Variants in EIF4G3 observed in about 807,000 individuals in gnomAD.
The protein encoded by EIF4G3 is eukaryotic translation initiation factor 4 gamma 3.
In EIF4G3, 34 loss-of-function variants were observed where a neutral mutation model predicts 186.4. The observed-to-expected ratio is 0.18, with a 90% confidence interval of 0.14 to 0.24. The LOEUF (loss-of-function observed/expected upper bound fraction) is 0.24, where lower values mean the gene tolerates loss of function less well. EIF4G3 is among the 10% of genes least tolerant of loss of function. EIF4G3 has a pLI of 1.00. For synonymous variants in EIF4G3, 673 were observed against 679.5 expected (o/e 0.99, Z 0.15); for missense variants, 1,536 against 1,948.5 (o/e 0.79, Z 3.99).
intron 36 of EIF4G3, among the ~76,000 whole-genome samples, chr1:20,807,857 G>A (rs1230670339): frequency 7.0e-6 from 1 of 143,222 alleles, no homozygotes; most frequent in East Asian, 2.1e-4. Context: ...CTACCTCCTG[G>A]GTTTAAGCAA....
At chr1:20,998,598 G>A (rs2082809083) in intron 6 of EIF4G3, among the ~76,000 whole-genome samples, 1 of 152,074 alleles carries the variant, frequency 6.6e-6, no homozygotes, top group South Asian at 2.1e-4. Flanking sequence ...AAACCTCTAG[G>A]ATCAAACAAT....
intron 14 of EIF4G3, among the ~76,000 whole-genome samples, chr1:20,939,990 G>T (rs1047558853): frequency 3.3e-5 from 5 of 151,808 alleles, no homozygotes; most frequent in African/African-American, 1.2e-4. Flanking sequence ...GAGTAGCTGG[G>T]ACTACAGGCC....
intron 2 of EIF4G3, among the ~76,000 whole-genome samples, chr1:21,136,873 T>C (rs1473772679): frequency 6.6e-6 from 1 of 152,210 alleles, no homozygotes; most frequent in East Asian, 1.9e-4. Flanking sequence ...TATTGAAGTC[T>C]TGAAATCTGG....
At chr1:21,154,611 C>T (rs2097606145) in intron 2 of EIF4G3, among the ~76,000 whole-genome samples, 3 of 152,182 alleles carry the variant, frequency 2.0e-5, no homozygotes, top group African/African-American at 7.2e-5. Flanking sequence ...TAACTGCTTT[C>T]TGGTTGCATA....
In EIF4G3 at chr1:20,967,939, C is replaced by G. The variant is rs543954942; in HGVS notation, c.714+1535G>C. Among the ~76,000 whole-genome samples, 170 of 152,244 alleles carry G rather than the reference C, an allele frequency of 1.1e-3. 1 individual carries two copies. Among genetic ancestry groups the G allele is most frequent in the African/African-American group, 4.0e-3 (165 of 41,552 alleles). On this transcript the variant is annotated intron_variant, in intron 12 of 36. Transcript: ENST00000602326. ...TTAATAGCTTTCTTTTTATCTGTTT[C>G]TAGACATTAGGCTTTCACTTTAGAC...
rs751759401 is a variant in EIF4G3, at chr1:20,942,233, A to G, written c.921T>C (p.Ser307=). 2 of 1,614,210 alleles carry G rather than the reference A, an allele frequency of 1.2e-6. No homozygotes were observed. Among genetic ancestry groups the G allele is most frequent in the East Asian group, 4.5e-5 (2 of 44,880 alleles). The change falls in exon 14 of 37, where the codon TCT becomes TCC. Residue 307 remains serine, a synonymous_variant. Coordinates refer to ENST00000602326, the MANE Select transcript of EIF4G3 (RefSeq NM_001391906.1). ...GEKKEQEGQT[S]ETTAIVSIAE... is the part of the protein sequence containing the mutation. ...CTATGGATACTATTGCAGTAGTTTC[A>G]GATGTCTGGCCTTCTTGTTCTTTCT... is the stretch of plus-strand genomic sequence containing the variant.
chr1:20,878,376 A>T (rs2081429286), intron 20 of EIF4G3, among the ~76,000 whole-genome samples: 1 of 151,954 alleles, frequency 6.6e-6, no homozygotes, highest in Non-Finnish European at 1.5e-5. Flanking sequence ...CTTCCAACTT[A>T]TTTTTCGGTC....
At chr1:21,019,701 G>A (rs963242909) in intron 4 of EIF4G3, among the ~76,000 whole-genome samples, 1 of 152,084 alleles carries the variant, frequency 6.6e-6, no homozygotes, top group African/African-American at 2.4e-5. Context: ...TGACCAACAT[G>A]GTGAAACCCT....
At chr1:20,992,599 C>T (rs2081363277) in intron 7 of EIF4G3, among the ~76,000 whole-genome samples, 2 of 152,194 alleles carry the variant, frequency 1.3e-5, no homozygotes, top group African/African-American at 4.8e-5. Flanking sequence ...TTTGTTTACA[C>T]TAAATCCCAC....
At chr1:20,864,822 G>T in intron 21 of EIF4G3, 110 bp from the exon 22 acceptor site, 1 of 1,014,668 alleles carries the variant, frequency 9.9e-7, no homozygotes, top group Non-Finnish European at 1.5e-6. Context: ...AGCAAGTGTA[G>T]AATCTACTGC....
intron 4 of EIF4G3, among the ~76,000 whole-genome samples, chr1:21,009,599 C>T (rs1439507384): frequency 1.3e-5 from 2 of 151,306 alleles, no homozygotes; most frequent in Non-Finnish European, 1.5e-5. Flanking sequence ...CCTTAAAGTC[C>T]AGACCAAGTA....
At chr1:21,002,925 C>G in intron 4 of EIF4G3, 117 bp from the exon 5 acceptor site, 1 of 531,516 alleles carries the variant, frequency 1.9e-6, no homozygotes, top group Non-Finnish European at 3.3e-6. Flanking sequence ...TTATATTCTA[C>G]TTTTTAAAAA....
At chr1:21,016,161 A>G (rs2088960690) in intron 4 of EIF4G3, among the ~76,000 whole-genome samples, 1 of 152,358 alleles carries the variant, frequency 6.6e-6, no homozygotes, top group Middle Eastern at 3.4e-3. Flanking sequence ...GAGAGGCCTG[A>G]GGTGAAAAGA....
intron 4 of EIF4G3, among the ~76,000 whole-genome samples, chr1:21,023,627 G>A (rs1308435012): frequency 3.3e-5 from 5 of 151,998 alleles, no homozygotes; most frequent in South Asian, 2.1e-4. Context: ...CCTCCCAGCC[G>A]TCTGCCTTGG....
intron 4 of EIF4G3, among the ~76,000 whole-genome samples, chr1:21,046,608 T>C (rs1452146624): frequency 6.6e-6 from 1 of 152,132 alleles, no homozygotes; most frequent in East Asian, 1.9e-4. Flanking sequence ...ACAAAAAGAT[T>C]TAATTCACAG....
Position 20,941,823 on chromosome 1 carries a change from T to C in EIF4G3, c.1331A>G (p.Glu444Gly). The stretch of plus-strand genomic sequence containing the variant: ...TTCTTCTGGGGGATTTTCGAGAATC[T>C]CCAATTCAAGAGTCAATGGCAATAC... The part of the protein sequence containing the change: ...QEVLPLTLEL[E>G]ILENPPEEMK... Residue 444 changes from glutamate to glycine, a missense_variant, in exon 14 of 37, where the codon GAG becomes GGG. This residue lies in a region of EIF4G3 where 560 missense variants were observed against 547.8 expected (regional missense o/e 1.02). Coordinates refer to ENST00000602326, the MANE Select transcript of EIF4G3 (RefSeq NM_001391906.1). 1 of 1,614,032 alleles carries C rather than the reference T, an allele frequency of 6.2e-7. No homozygotes were observed. Among genetic ancestry groups the C allele is most frequent in the Non-Finnish European group, 8.5e-7 (1 of 1,179,964 alleles).
At chr1:21,062,896 A>C (rs1221200442) in intron 3 of EIF4G3, among the ~76,000 whole-genome samples, 1 of 152,072 alleles carries the variant, frequency 6.6e-6, no homozygotes, top group Non-Finnish European at 1.5e-5. Flanking sequence ...CAGCCAATAT[A>C]TATATATTTT....
Position 20,865,165 on chromosome 1 carries a change from T to C in EIF4G3, c.2720A>G (p.Asp907Gly). 6.2e-7 allele frequency: 1 copy of C among 1,614,180 alleles called. No individual in the cohort carries two copies. The highest frequency in any genetic ancestry group is 8.5e-7 in the Non-Finnish European group (1 of 1,180,014). ...CQKEFEKDKA[D>G]DDVFEKKQKE... ...CTGCTTCTTCTCAAAGACATCATCA[T>C]CTGCTTTATCTTTTTCAAACTCCTT... Residue 907 changes from aspartate (D) to glycine (G), a missense_variant, in exon 21 of 37, where the codon GAT becomes GGT. Coordinates refer to ENST00000602326, the MANE Select transcript of EIF4G3 (RefSeq NM_001391906.1).
rs527997224 is a variant in EIF4G3, at chr1:20,945,625, C to T, written c.824-3295G>A. 2.6e-4 allele frequency among the ~76,000 whole-genome samples: 40 copies of T among 152,234 alleles called. No individual in the cohort carries two copies. In the South Asian group the frequency reaches 7.9e-3, roughly 30 times the overall value. On this transcript the variant is annotated intron_variant, in intron 13 of 36. Transcript: ENST00000602326. ...AGACCACATGTACGAGCCACCATAC[C>T]TGGCTAATATTTTTATTTTTTGTAG...
Sources: gnomAD v4.1 joint callset for allele counts (sites outside exome capture counted in the v4.1 genomes callset) on GRCh38, gnomAD v4.1.1 for gene constraint, gnomAD v4.1.1 regional missense constraint, MANE v1.5 for transcripts, NCBI Gene and HGNC (gene_info 2026-07-23, HGNC 2026-07-21) for gene names.